The following BRWD1 variants were observed in gnomAD, a reference collection of about 807,000 sequenced individuals.
BRWD1 encodes bromodomain and WD repeat-containing protein 1.
In BRWD1, 82 loss-of-function variants were observed where a neutral mutation model predicts 251.2. The observed-to-expected ratio is 0.33, with a 90% CI of 0.27 to 0.39. BRWD1 has a LOEUF of 0.39. Among genes scored for constraint, BRWD1 ranks in the 10% least tolerant of loss-of-function variants. The pLI is 1.00. For missense variants in BRWD1, 2,233 were observed against 2,711.6 expected, an observed-to-expected ratio of 0.82 and a Z score of 3.92; for synonymous variants, 918 against 902.8, an observed-to-expected ratio of 1.02 and a Z score of -0.30.
intron 21 of BRWD1, 138 bp downstream of exon 21, chr21:39,247,563 T>C: frequency 2.1e-6 from 2 of 953,078 alleles, no homozygotes; most frequent in South Asian, 4.7e-5. Flanking sequence ...TTTGTTAACA[T>C]TCAAAATGTG....
chr21:39,306,233 C>G (rs1410256094), intron 4 of BRWD1, among the ~76,000 whole-genome samples: 1 of 151,910 alleles, frequency 6.6e-6, no homozygotes, highest in Non-Finnish European at 1.5e-5. Context: ...CCACGTCTGG[C>G]TAATTTTTTG....
chr21:39,244,678 T>C (rs982660440), intron 21 of BRWD1, among the ~76,000 whole-genome samples: 1 of 152,036 alleles, frequency 6.6e-6, no homozygotes, highest in African/African-American at 2.4e-5. Context: ...AGAATGACCT[T>C]ACGTAACAGT....
intron 4 of BRWD1, among the ~76,000 whole-genome samples, chr21:39,302,487 T>G (rs1293587143): frequency 6.6e-6 from 1 of 152,214 alleles, no homozygotes; most frequent in Middle Eastern, 3.4e-3. Context: ...CTGAGAGCAG[T>G]GGCTCAGACT....
At chr21:39,280,730 A>C (rs2035429319) in intron 8 of BRWD1, among the ~76,000 whole-genome samples, 1 of 152,244 alleles carries the variant, frequency 6.6e-6, no homozygotes, top group South Asian at 2.1e-4. Context: ...CGAACAATGG[A>C]TCACTGCATA....
At position 39,198,911 on chromosome 21, in the gene BRWD1, C is replaced by A. The variant is rs767933477; in HGVS notation, c.5505G>T (p.Gly1835=). 1.2e-6 allele frequency: 2 copies of A among 1,614,120 alleles called. No individual in the cohort carries two copies. The highest frequency in any genetic ancestry group is 2.2e-5 in the South Asian group (2 of 91,078). The part of the protein sequence containing the change: ...SESEEQDRED[G]KCHKMEMNPI... ...GGTTCATTTCCATTTTATGACATTT[C>A]CCATCTTCTCTATCTTGCTCTTCAG... The change falls in exon 40 of 41, where the codon GGG becomes GGT. Residue 1835 remains glycine (G), a synonymous_variant. Transcript: ENST00000342449.
Position 39,193,329 on chromosome 21 carries a change from G to A in BRWD1, c.*2930C>T, listed in dbSNP as rs2031649802. 1 of 984,882 alleles carries A rather than the reference G, an allele frequency of 1.0e-6. No homozygotes were observed. The highest frequency in any genetic ancestry group is 1.7e-5 in the African/African-American group (1 of 57,192). The allele number at this position is 984,882 out of a possible 1,614,324, so 61.0% of individuals were successfully genotyped here. A position where few individuals can be genotyped will look rare whatever the true frequency, so the allele number is the denominator to read the frequency against. ...ATATTTGCCACTTACAAAAAGGGAG[G>A]CTGACCTTAGGAATTATTTGAATAT... On this transcript the variant is annotated 3_prime_UTR_variant, in exon 41 of 41. Coordinates refer to ENST00000342449, the MANE Select transcript of BRWD1 (RefSeq NM_033656.4).
At position 39,286,526 on chromosome 21, in the gene BRWD1, T is replaced by C. The variant is rs144393598; in HGVS notation, c.832-6278A>G. Among the ~76,000 whole-genome samples, 47 of 135,480 alleles carry C rather than the reference T, an allele frequency of 3.5e-4. No individual in the cohort carries two copies. The East Asian group carries it at 8.0e-3, about 23-fold the overall frequency. 88.9% of individuals were successfully genotyped at this position (135,480 alleles called of 152,430 possible). A position where few individuals can be genotyped will look rare whatever the true frequency, so the allele number is the denominator to read the frequency against. On this transcript the variant is annotated intron_variant, in intron 8 of 40. Transcript: ENST00000342449. ...TTTATTTCCAGTATTTGTACTTTTT[T>C]TTTTTTGAGACAGAGTCTCACACTG...
chr21:39,306,428 T>C (rs559754037), intron 4 of BRWD1, among the ~76,000 whole-genome samples: 1 of 152,254 alleles, frequency 6.6e-6, no homozygotes, highest in South Asian at 2.1e-4. Flanking sequence ...TATTTAATTG[T>C]AATTTTCATG....
At chr21:39,228,866 A>G (rs1018137804) in intron 26 of BRWD1, among the ~76,000 whole-genome samples, 9 of 152,204 alleles carry the variant, frequency 5.9e-5, no homozygotes, top group African/African-American at 2.2e-4. Context: ...TTTCTTTAAA[A>G]AAAAATGTTT....
chr21:39,307,727 C>T (rs2036335515), intron 4 of BRWD1, among the ~76,000 whole-genome samples: 1 of 152,092 alleles, frequency 6.6e-6, no homozygotes, highest in Admixed American at 6.6e-5. Flanking sequence ...TAGTAAAACC[C>T]CTTTAAAACA....
chr21:39,189,707 GTTAAT>G lies in BRWD1; in HGVS notation c.*6547_*6551del. ...TTTTTTTAAATACATTCAAGTCAGT[GTTAAT>G]TTTATTACTGAAAACTGAGTAAATT... On this transcript the variant is annotated 3_prime_UTR_variant, in exon 41 of 41. Coordinates refer to ENST00000342449, the MANE Select transcript of BRWD1 (RefSeq NM_033656.4). The G allele has an allele frequency of 1.0e-6, 1 of 981,304 alleles. No homozygotes were observed. The highest frequency in any genetic ancestry group is 1.2e-6 in the Non-Finnish European group (1 of 826,220). 60.8% of individuals were successfully genotyped at this position (981,304 alleles called of 1,614,324 possible).
intron 7 of BRWD1, among the ~76,000 whole-genome samples, chr21:39,294,926 TAAAACATTAAAATG>T (rs1003723968): frequency 8.5e-5 from 13 of 152,158 alleles, no homozygotes; most frequent in African/African-American, 3.1e-4. Context: ...AACTTACGCT[TAAAACATTAAAATG>T]ATAAATTCCA....
intron 27 of BRWD1, 101 bp downstream of exon 27, chr21:39,228,399 G>A (rs971631974): frequency 1.3e-4 from 99 of 743,760 alleles, no homozygotes; most frequent in Non-Finnish European, 2.1e-4. Context: ...GAATTTACAT[G>A]TTTGTATATA....
intron 8 of BRWD1, among the ~76,000 whole-genome samples, chr21:39,283,277 C>T (rs536558882): frequency 2.0e-5 from 3 of 152,220 alleles, no homozygotes; most frequent in South Asian, 2.1e-4. Flanking sequence ...AATGTAAATA[C>T]GCTGATTTTA....
At chr21:39,213,331 C>G in intron 33 of BRWD1, 150 bp downstream of exon 33, 2 of 674,870 alleles carry the variant, frequency 3.0e-6, no homozygotes, top group South Asian at 3.5e-5. Flanking sequence ...CATAAATCAT[C>G]TAGAAAATTC....
chr21:39,260,858 T>G (rs563441793), intron 17 of BRWD1, among the ~76,000 whole-genome samples: 139 of 152,254 alleles, frequency 9.1e-4, no homozygotes, highest in African/African-American at 3.2e-3. Context: ...GGACTGAATA[T>G]CAGAGGAGAG....
chr21:39,292,124 GGT>G (rs1568960529), intron 8 of BRWD1, among the ~76,000 whole-genome samples: 1 of 41,616 alleles, frequency 2.4e-5, no homozygotes. Context: ...GTGGGGGGTG[GGT>G]GGGGGTGGGG....
chr21:39,316,211 AAGATC>A (rs542739303), upstream of BRWD1, among the ~76,000 whole-genome samples: 39 of 152,344 alleles, frequency 2.6e-4, no homozygotes, highest in African/African-American at 8.9e-4. Context: ...GAGAAGAGAC[AAGATC>A]AGAAGTATGT....
chr21:39,217,026 TA>T (rs2032934670), intron 31 of BRWD1: 4 of 20,636 alleles, frequency 1.9e-4, no homozygotes, highest in Non-Finnish European at 3.9e-4. Context: ...TATATATATA[TA>T]TATATATAAA....
Sources: allele counts gnomAD v4.1 joint callset (sites outside exome capture counted in the v4.1 genomes callset), GRCh38; gene constraint gnomAD v4.1.1; transcripts MANE v1.5; gene names NCBI Gene and HGNC (gene_info 2026-07-23, HGNC 2026-07-21).